KLHL18: variants seen among roughly 807,000 people sequenced by gnomAD.
KLHL18 encodes the protein kelch-like protein 18.
In KLHL18, 38 loss-of-function variants were observed where a neutral mutation model predicts 58.5. The ratio of observed to expected loss-of-function variants is 0.65; its 90% CI spans 0.50 to 0.85. The LOEUF is 0.85. Among genes scored for constraint, KLHL18 ranks in the 40% least tolerant of loss-of-function variants. KLHL18 has a pLI of 0.00. For synonymous variants in KLHL18, 303 were observed against 301.9 expected, an observed-to-expected ratio of 1.00 and a Z score of -0.04; for missense variants, 624 against 778.4, an observed-to-expected ratio of 0.80 and a Z score of 2.36.
chr3:47,333,190 G>T lies in KLHL18; in HGVS notation c.634G>T (p.Asp212Tyr). 3.7e-6 allele frequency: 6 copies of T among 1,614,030 alleles called. No individual in the cohort carries two copies. The highest frequency in any genetic ancestry group is 5.1e-6 in the Non-Finnish European group (6 of 1,179,962). ...FEAALAWVRY[D>Y]REQRGPYLPE... ...AGCTGCATTGGCCTGGGTCAGATAC[G>T]ACCGGGAGCAGAGGGGTCCCTACCT... The change falls in exon 5 of 10, where the codon GAC (aspartate) becomes TAC (tyrosine). Residue 212 changes from aspartate (D) to tyrosine (Y), a missense_variant. Coordinates refer to ENST00000232766, the MANE Select transcript of KLHL18 (RefSeq NM_025010.5).
intron 6 of KLHL18, among the ~76,000 whole-genome samples, chr3:47,336,053 G>A (rs556558451): frequency 2.7e-4 from 41 of 152,282 alleles, no homozygotes; most frequent in Middle Eastern, 3.4e-3. Context: ...TTTATTGAGC[G>A]CAAAGTTTAT....
At chr3:47,301,733 ACT>A (rs992631784) in intron 1 of KLHL18, among the ~76,000 whole-genome samples, 1 of 152,214 alleles carries the variant, frequency 6.6e-6, no homozygotes, top group Non-Finnish European at 1.5e-5. Context: ...CTAATAGCCT[ACT>A]GTTGACTAGA....
chr3:47,289,845 A>T (rs925228647), intron 1 of KLHL18, among the ~76,000 whole-genome samples: 1 of 152,200 alleles, frequency 6.6e-6, no homozygotes, highest in African/African-American at 2.4e-5. Flanking sequence ...ATGTGAATGC[A>T]TGGACATAGA....
At chr3:47,302,872 A>G (rs1703057662) in intron 1 of KLHL18, among the ~76,000 whole-genome samples, 1 of 152,210 alleles carries the variant, frequency 6.6e-6, no homozygotes, top group African/African-American at 2.4e-5. Context: ...TCTTTTGCCA[A>G]GTTGTCTAAT....
intron 6 of KLHL18, among the ~76,000 whole-genome samples, chr3:47,335,934 G>A (rs1212343206): frequency 1.3e-5 from 2 of 152,178 alleles, no homozygotes; most frequent in Non-Finnish European, 2.9e-5. Context: ...GAAATGCTAA[G>A]TGCCCCATAG....
intron 1 of KLHL18, among the ~76,000 whole-genome samples, chr3:47,311,954 C>G (rs556519907): frequency 5.9e-5 from 9 of 152,204 alleles, no homozygotes; most frequent in Non-Finnish European, 1.2e-4. Flanking sequence ...TGTATCCACT[C>G]TTTGTAGAAG....
intron 1 of KLHL18, among the ~76,000 whole-genome samples, chr3:47,312,024 A>G (rs1703313355): frequency 6.6e-6 from 1 of 152,246 alleles, no homozygotes; most frequent in Admixed American, 6.5e-5. Context: ...AGTCTTTCTC[A>G]TTTGAATTGA....
At chr3:47,326,921 CA>C (rs1430165395) in intron 3 of KLHL18, among the ~76,000 whole-genome samples, 2 of 140,540 alleles carry the variant, frequency 1.4e-5, no homozygotes, top group Non-Finnish European at 1.5e-5. Context: ...AGCTACATCT[CA>C]AAAAAAAAGA....
At chr3:47,294,117 A>G (rs1576134840) in intron 1 of KLHL18, among the ~76,000 whole-genome samples, 1 of 152,302 alleles carries the variant, frequency 6.6e-6, no homozygotes, top group East Asian at 1.9e-4. Context: ...CCGACCTTCT[A>G]GTGAATGAGC....
chr3:47,343,744 A>T lies in KLHL18; in HGVS notation c.1528A>T (p.Met510Leu). The T allele has an allele frequency of 6.2e-7, 1 of 1,614,164 alleles. No individual in the cohort carries two copies. Among genetic ancestry groups the T allele is most frequent in the Non-Finnish European group, 8.5e-7 (1 of 1,180,028 alleles). Reference sequence around the variant, plus strand: ...AGACCAGTGGTGCCTGATTGTCCCCATGCACACGCGCAGGAGCCGGGTCTC... The same window carrying T: ...AGACCAGTGGTGCCTGATTGTCCCCTTGCACACGCGCAGGAGCCGGGTCTC... ...VADQWCLIVP[M>L]HTRRSRVSLV... is the part of the protein sequence containing the mutation. Residue 510 changes from methionine (M) to leucine (L), a missense_variant, in exon 10 of 10, where the codon ATG (methionine) becomes TTG (leucine). Transcript: ENST00000232766.
chr3:47,339,623 T>A (rs1003012458), intron 7 of KLHL18, among the ~76,000 whole-genome samples: 2 of 152,002 alleles, frequency 1.3e-5, no homozygotes, highest in African/African-American at 4.8e-5. Context: ...ACAACATCTG[T>A]GAATTGAGTG....
chr3:47,336,754 G>A lies in KLHL18; in HGVS notation c.1118G>A (p.Arg373Lys). 6.2e-7 allele frequency: 1 copy of A among 1,613,082 alleles called. No homozygotes were observed. The highest frequency in any genetic ancestry group is 8.5e-7 in the Non-Finnish European group (1 of 1,179,014). ...WTRVGSMNSKRSAMGTVVLDG... is the reference protein window; with the variant it reads ...WTRVGSMNSKKSAMGTVVLDG... ...AGAGTGGGGAGCATGAATAGCAAGA[G>A]AAGGTATTCTGGAAGCCACGTGCAG... Residue 373 changes from arginine (R) to lysine (K), a missense_variant, in exon 7 of 10, where the codon AGA (arginine) becomes AAA (lysine). By Grantham distance (26) the Arg-to-Lys change is conservative. Coordinates refer to ENST00000232766, the MANE Select transcript of KLHL18 (RefSeq NM_025010.5).
intron 7 of KLHL18, chr3:47,338,331 G>A (rs562217460): frequency 6.6e-6 from 1 of 152,252 alleles, no homozygotes; most frequent in East Asian, 1.9e-4. Context: ...TTCAACACCT[G>A]TTTTGTTATG....
intron 1 of KLHL18, among the ~76,000 whole-genome samples, chr3:47,295,738 T>TA (rs1247312913): frequency 2.6e-5 from 4 of 151,708 alleles, no homozygotes; most frequent in African/African-American, 7.3e-5. Context: ...TCAGTTAATT[T>TA]AAAAAAAAAT....
intron 3 of KLHL18, among the ~76,000 whole-genome samples, chr3:47,326,923 A>G (rs1477235122): frequency 6.6e-6 from 1 of 150,710 alleles, no homozygotes; most frequent in Non-Finnish European, 1.5e-5. Flanking sequence ...CTACATCTCA[A>G]AAAAAAAGAA....
intron 1 of KLHL18, among the ~76,000 whole-genome samples, chr3:47,300,859 G>A (rs770142589): frequency 1.3e-5 from 2 of 151,746 alleles, no homozygotes; most frequent in Non-Finnish European, 1.5e-5. Flanking sequence ...GGCTGGTCTC[G>A]AACTCCTGAC....
chr3:47,324,294 C>CTTTTTTTTTTTTTTTTTTTTTTTT (rs1559498832), intron 3 of KLHL18, among the ~76,000 whole-genome samples: 2 of 10,606 alleles, frequency 1.9e-4, no homozygotes, highest in African/African-American at 4.2e-4. Flanking sequence ...CTTTTTCTTT[C>CTTTTTTTTTTTTTTTTTTTTTTTT]TTTCTTTTTT....
intron 1 of KLHL18, among the ~76,000 whole-genome samples, chr3:47,306,356 G>T (rs969400759): frequency 2.0e-5 from 3 of 152,020 alleles, no homozygotes; most frequent in African/African-American, 7.2e-5. Context: ...TATTTTCTAT[G>T]TATCAAATAT....
intron 3 of KLHL18, among the ~76,000 whole-genome samples, chr3:47,325,635 C>G (rs1469887267): frequency 1.3e-5 from 2 of 152,226 alleles, no homozygotes; most frequent in African/African-American, 4.8e-5. Context: ...TGAGGCTGCT[C>G]AGTCTATTAC....
Sources: allele counts gnomAD v4.1 joint callset (sites outside exome capture counted in the v4.1 genomes callset), GRCh38; gene constraint gnomAD v4.1.1; transcripts MANE v1.5; gene names NCBI Gene and HGNC (gene_info 2026-07-23, HGNC 2026-07-21).